Variants in ELL observed in about 807,000 individuals in gnomAD.
The protein encoded by ELL is RNA polymerase II elongation factor ELL.
Under a neutral mutation model 64.0 loss-of-function variants are expected in ELL, and 18 were observed. The ratio of observed to expected loss-of-function variants is 0.28; its 90% CI spans 0.19 to 0.42. The LOEUF (loss-of-function observed/expected upper bound fraction) is 0.42, where lower values mean the gene tolerates loss of function less well. Ranked by LOEUF, ELL falls within the 10% of genes least tolerant of loss-of-function variation. The pLI is 1.00. For synonymous variants in ELL, 399 were observed against 376.2 expected (o/e 1.06, Z -0.70); for missense variants, 797 against 870.4 (o/e 0.92, Z 1.06).
intron 4 of ELL, among the ~76,000 whole-genome samples, chr19:18,465,101 C>T (rs1202676267): frequency 1.3e-5 from 2 of 152,204 alleles, no homozygotes; most frequent in Admixed American, 1.3e-4. Context: ...AGGCTGCAGC[C>T]TGAAAGCAGG....
At chr19:18,494,647 TCCCAAAGTGCTGGGATTGCA>T (rs1379780067) in intron 1 of ELL, among the ~76,000 whole-genome samples, 3 of 152,188 alleles carry the variant, frequency 2.0e-5, no homozygotes, top group Non-Finnish European at 2.9e-5. Flanking sequence ...CACCTTGGCC[TCCCAAAGTGCTGGGATTGCA>T]GGCATATGAG....
intron 1 of ELL, among the ~76,000 whole-genome samples, chr19:18,494,768 C>T (rs542252372): frequency 3.3e-5 from 5 of 152,336 alleles, no homozygotes; most frequent in South Asian, 2.1e-4. Context: ...ACCCCACTGT[C>T]CAGCCTTCTG....
At chr19:18,454,359 C>A (rs1261801582) in intron 6 of ELL, among the ~76,000 whole-genome samples, 2 of 152,040 alleles carry the variant, frequency 1.3e-5, no homozygotes, top group Non-Finnish European at 2.9e-5. Context: ...ATTAGCCGGG[C>A]ATGGTGGCGG....
At chr19:18,459,450 G>T (rs1006788721) in intron 5 of ELL, among the ~76,000 whole-genome samples, 1 of 152,194 alleles carries the variant, frequency 6.6e-6, no homozygotes, top group Admixed American at 6.5e-5. Context: ...CCATCTTGCT[G>T]CAGGCATAGC....
intron 1 of ELL, among the ~76,000 whole-genome samples, chr19:18,480,713 C>T (rs1475366864): frequency 1.3e-5 from 2 of 152,210 alleles, no homozygotes; most frequent in South Asian, 2.1e-4. Context: ...CGGCTCACTG[C>T]AGCTTCGACC....
intron 11 of ELL, 94 bp from the exon 12 acceptor site, chr19:18,444,962 G>A (rs1974382128): frequency 2.2e-6 from 3 of 1,377,408 alleles, no homozygotes; most frequent in Admixed American, 4.1e-5. Flanking sequence ...CCAAAAACCT[G>A]GGCTTGGTGC....
intron 7 of ELL, 107 bp from the exon 8 acceptor site, chr19:18,451,082 G>T (rs962315059): frequency 1.5e-5 from 21 of 1,388,528 alleles, no homozygotes; most frequent in Middle Eastern, 2.4e-4. Context: ...CAAGGCCCAC[G>T]CTGGCCACAT....
At chr19:18,477,563 C>T (rs1198699190) in intron 1 of ELL, among the ~76,000 whole-genome samples, 1 of 152,186 alleles carries the variant, frequency 6.6e-6, no homozygotes, top group Non-Finnish European at 1.5e-5. Flanking sequence ...GCCCCAAGTG[C>T]CGAGGTGCCG....
rs1394823578 is a variant in ELL, at chr19:18,446,799, C to A, written c.1481G>T (p.Cys494Phe). 6.2e-7 allele frequency: 1 copy of A among 1,613,994 alleles called. No individual in the cohort carries two copies. Among genetic ancestry groups the A allele is most frequent in the Non-Finnish European group, 8.5e-7 (1 of 1,180,036 alleles). Residue 494 changes from cysteine (C) to phenylalanine (F), a missense_variant, in exon 9 of 12, where the codon TGC becomes TTC. Cys to Phe is a radical substitution (Grantham distance 205, BLOSUM62 -2). Coordinates refer to ENST00000262809, the MANE Select transcript of ELL (RefSeq NM_006532.4). ...GGACGTGGGAACACTGGAAACGCTG[C>A]AGGTTCCGTTTAAACCTACGAGAGC... ...PADTPGLNGT[C>F]SVSSVPTSTS...
intron 6 of ELL, among the ~76,000 whole-genome samples, chr19:18,453,138 G>T (rs1232330634): frequency 6.6e-6 from 1 of 152,196 alleles, no homozygotes; most frequent in Non-Finnish European, 1.5e-5. Flanking sequence ...GCCGGGCATG[G>T]TGGTGGGCAC....
At chr19:18,487,120 C>T (rs1975434716) in intron 1 of ELL, among the ~76,000 whole-genome samples, 1 of 151,838 alleles carries the variant, frequency 6.6e-6, no homozygotes, top group African/African-American at 2.4e-5. Context: ...GACCCCGCTA[C>T]CCCCCACCAG....
chr19:18,451,469 G>C, intron 7 of ELL, 83 bp downstream of exon 7: 1 of 1,202,226 alleles, frequency 8.3e-7, no homozygotes, highest in Non-Finnish European at 1.1e-6. Context: ...AAGAGCTGGT[G>C]AGGAAGGTGA....
At chr19:18,512,500 G>T (rs895959063) in intron 1 of ELL, among the ~76,000 whole-genome samples, 4 of 152,038 alleles carry the variant, frequency 2.6e-5, no homozygotes, top group Admixed American at 2.6e-4. Context: ...GCAACCAGGC[G>T]TGATGATGGG....
chr19:18,465,733 G>A, intron 3 of ELL, 64 bp downstream of exon 3: 3 of 1,433,194 alleles, frequency 2.1e-6, no homozygotes, highest in South Asian at 3.2e-5. Flanking sequence ...CTCAACCCTG[G>A]GCCAGAGGTG....
chr19:18,521,945 G>A lies in ELL; in HGVS notation c.111C>T (p.Ala37=). ...CCTGTCTGGCGCGGTAGCTCTCGAA[G>A]GCCCTCAGGGCACTGTCGGTGAGCT... is the stretch of plus-strand genomic sequence containing the variant. ...HVKLTDSALR[A]FESYRARQDS... is the part of the protein sequence containing the mutation. The change falls in exon 1 of 12, where the codon GCC becomes GCT. Residue 37 remains alanine (A), a synonymous_variant. Transcript: ENST00000262809. 8 of 1,606,652 alleles carry A rather than the reference G, an allele frequency of 5.0e-6. No homozygotes were observed. The highest frequency in any genetic ancestry group is 6.8e-6 in the Non-Finnish European group (8 of 1,176,648).
At chr19:18,520,170 C>T (rs1600516284) in intron 1 of ELL, among the ~76,000 whole-genome samples, 1 of 152,262 alleles carries the variant, frequency 6.6e-6, no homozygotes, top group Middle Eastern at 3.4e-3. Context: ...CAAGCGAGGG[C>T]AGCATCAGAG....
chr19:18,446,526 A>G lies in ELL; in HGVS notation c.1533-46T>C, dbSNP rs748349039. ...CACTGAGTGGAGGCTGGAAGGACCC[A>G]GCCCCACCCAGGAAGTGGCCATCCT... On this transcript the variant is annotated intron_variant, in intron 9 of 11. Coordinates refer to ENST00000262809, the MANE Select transcript of ELL (RefSeq NM_006532.4). The G allele has an allele frequency of 3.4e-5, 54 of 1,587,984 alleles. No homozygotes were observed. In the Admixed American group the frequency reaches 9.4e-4, roughly 28 times the overall value.
chr19:18,480,683 G>A (rs1975281661), intron 1 of ELL, among the ~76,000 whole-genome samples: 1 of 152,154 alleles, frequency 6.6e-6, no homozygotes, highest in East Asian at 1.9e-4. Flanking sequence ...CACCCAGGCT[G>A]GAGTGCGGTG....
chr19:18,446,695 G>T, intron 9 of ELL, 53 bp downstream of exon 9: 2 of 1,604,652 alleles, frequency 1.2e-6, no homozygotes, highest in Non-Finnish European at 1.7e-6. Context: ...GGGGGAGGGG[G>T]TCTGAACCCA....
Sources: gnomAD v4.1 joint callset for allele counts (sites outside exome capture counted in the v4.1 genomes callset) on GRCh38, gnomAD v4.1.1 for gene constraint, MANE v1.5 for transcripts, NCBI Gene and HGNC (gene_info 2026-07-23, HGNC 2026-07-21) for gene names.